Variants in PRKAG1 observed in about 807,000 individuals in gnomAD.
PRKAG1 encodes 5'-AMP-activated protein kinase subunit gamma-1.
A neutral mutation model predicts 48.2 loss-of-function variants in PRKAG1; 27 were observed. The observed-to-expected ratio is 0.56, with a 90% CI of 0.41 to 0.77. The LOEUF is 0.77. Ranked by LOEUF, PRKAG1 falls within the 30% of genes least tolerant of loss-of-function variation. The pLI is 0.00. For missense variants in PRKAG1, 287 were observed against 398.3 expected (o/e 0.72, Z 2.38); for synonymous variants, 130 against 147.7 (o/e 0.88, Z 0.87).
chr12:49,017,363 CG>C, intron 1 of PRKAG1: 4 of 356,436 alleles, frequency 1.1e-5, no homozygotes, highest in Middle Eastern at 8.9e-4. Flanking sequence ...ACCACCACCA[CG>C]CCTGGGTAAT....
rs542478353 is a variant in PRKAG1 at position 49,002,852 on chromosome 12, A to T, written c.*47T>A. 28 of 1,527,312 alleles carry T rather than the reference A, an allele frequency of 1.8e-5. No homozygotes were observed. The Middle Eastern group carries it at 1.0e-3, about 56-fold the overall frequency. The allele number at this position is 1,527,312 out of a possible 1,614,324, so 94.6% of individuals were successfully genotyped here. On this transcript the variant is annotated 3_prime_UTR_variant, in exon 12 of 12. Coordinates refer to ENST00000548065, the MANE Select transcript of PRKAG1 (RefSeq NM_002733.5). Reference sequence around the variant, plus strand: ...GATTCCCACAGAGCTTCCAGCAGGCAGTGAGTTGGGCATATCCCCTGGTGC... The same window carrying T: ...GATTCCCACAGAGCTTCCAGCAGGCTGTGAGTTGGGCATATCCCCTGGTGC...
In PRKAG1 at chr12:49,002,934, C is replaced by T. The variant is rs963786337; in HGVS notation, c.961G>A (p.Ala321Thr). The T allele has an allele frequency of 3.1e-6, 5 of 1,614,216 alleles. No individual in the cohort carries two copies. Among genetic ancestry groups the T allele is most frequent in the Non-Finnish European group, 4.2e-6 (5 of 1,180,030 alleles). The change falls in exon 12 of 12, where the codon GCC becomes ACC. Residue 321 changes from alanine (A) to threonine (T), a missense_variant. Transcript: ENST00000548065. ...TTCTCTCCACCTGTGAGCACCAGGG[C>T]CTGCAGGATGTCAGACAGTGATACA... is the stretch of plus-strand genomic sequence containing the variant. Reference protein sequence around the residue: ...GIVSLSDILQALVLTGGEKKP With the variant: ...GIVSLSDILQTLVLTGGEKKP
intron 2 of PRKAG1, among the ~76,000 whole-genome samples, chr12:49,007,923 G>A (rs1327126409): frequency 6.7e-6 from 1 of 148,996 alleles, no homozygotes; most frequent in African/African-American, 2.5e-5. Flanking sequence ...GCAGTGGCAC[G>A]ATCTCAGGTT....
At chr12:49,007,638 G>A (rs1941597060) in intron 2 of PRKAG1, among the ~76,000 whole-genome samples, 1 of 151,934 alleles carries the variant, frequency 6.6e-6, no homozygotes, top group Non-Finnish European at 1.5e-5. Flanking sequence ...TACCTTAGTT[G>A]ATTATTTTGG....
intron 7 of PRKAG1, 45 bp downstream of exon 7, chr12:49,004,919 C>A: frequency 6.3e-7 from 1 of 1,598,210 alleles, no homozygotes; most frequent in South Asian, 1.1e-5. Context: ...AGGCTGATGA[C>A]AAAATCTCTT....
chr12:49,017,784 G>T (rs932071138), intron 1 of PRKAG1: 2 of 152,368 alleles, frequency 1.3e-5, no homozygotes, highest in Non-Finnish European at 2.9e-5. Context: ...TTGAAAACCT[G>T]AAAGAAACAA....
intron 10 of PRKAG1, 113 bp downstream of exon 10, chr12:49,003,444 TG>T: frequency 6.5e-7 from 1 of 1,536,648 alleles, no homozygotes. Flanking sequence ...TTTGAAAGCC[TG>T]GAAGCTTCTA....
intron 1 of PRKAG1, among the ~76,000 whole-genome samples, chr12:49,015,751 T>C (rs570117538): frequency 4.5e-4 from 68 of 152,214 alleles, no homozygotes; most frequent in African/African-American, 1.6e-3. Context: ...TTTTTTTTTG[T>C]ATTTTTAGTA....
intron 1 of PRKAG1, chr12:49,018,472 C>G (rs1359358281): frequency 7.4e-7 from 1 of 1,357,824 alleles, no homozygotes; most frequent in Non-Finnish European, 9.5e-7. Flanking sequence ...TACGTGGGCC[C>G]CAAGGAGGGA....
chr12:49,005,932 CTAG>C lies in PRKAG1; in HGVS notation c.59-83_59-81del. The C allele has an allele frequency of 1.0e-6, 1 of 1,002,342 alleles. No individual in the cohort carries two copies. The highest frequency in any genetic ancestry group is 2.2e-4 in the Middle Eastern group (1 of 4,450). 62.1% of individuals were successfully genotyped at this position (1,002,342 alleles called of 1,614,324 possible). A position where few individuals can be genotyped will look rare whatever the true frequency, so the allele number is the denominator to read the frequency against. On this transcript the variant is annotated intron_variant, in intron 2 of 11. Transcript: ENST00000548065. This position sits in a 1 kb window ranked among gnomAD's most constrained non-coding sequence, Gnocchi z 4.1. ...AAGAGACAGAAAACAAAATAGTGTTCTAGTATCTCAAATATTTAGAGCATTATT... is the reference window on the plus strand; with the variant it reads ...AAGAGACAGAAAACAAAATAGTGTTCTATCTCAAATATTTAGAGCATTATT...
In PRKAG1 at chr12:49,013,095, T is replaced by C; in HGVS notation, c.25A>G (p.Ser9Gly). The change falls in exon 2 of 12, where the codon AGC becomes GGC. Residue 9 changes from serine (S) to glycine (G), a missense_variant. This residue lies in a region of PRKAG1 where 63 missense variants were observed against 54.0 expected (regional missense o/e 1.17). Transcript: ENST00000548065. ...TGCTCATTTTCCACAGCTGGGGAGC[T>C]ATCTGAAGAAATGACCTGGAGAGAT... METVISSD[S>G]SPAVENEHPQ... The C allele has an allele frequency of 6.2e-7, 1 of 1,613,852 alleles. No homozygotes were observed. Among genetic ancestry groups the C allele is most frequent in the Non-Finnish European group, 8.5e-7 (1 of 1,179,722 alleles).
Position 49,005,385 on chromosome 12 carries a change from C to T in PRKAG1, c.251-21G>A, listed in dbSNP as rs1439550271. ...CATGCCTAGAGGACAAGACAGAGCC[C>T]TCAGCACTGCCTGAAGCTTGTCTCC... On this transcript the variant is annotated intron_variant, in intron 4 of 11. Coordinates refer to ENST00000548065, the MANE Select transcript of PRKAG1 (RefSeq NM_002733.5). This position sits in a 1 kb window ranked among gnomAD's most constrained non-coding sequence, Gnocchi z 4.1. 2 of 1,614,060 alleles carry T rather than the reference C, an allele frequency of 1.2e-6. No individual in the cohort carries two copies. Among genetic ancestry groups the T allele is most frequent in the Admixed American group, 3.3e-5 (2 of 60,006 alleles).
intron 7 of PRKAG1, 52 bp from the exon 8 acceptor site, chr12:49,004,685 T>C (rs1565732703): frequency 1.2e-6 from 2 of 1,611,916 alleles, no homozygotes; most frequent in Non-Finnish European, 1.7e-6. Context: ...CTGGGGGTGA[T>C]TAAACAGGTC....
At position 49,002,443 on chromosome 12, in the gene PRKAG1, A is replaced by T. The variant is rs1941327540; in HGVS notation, c.*456T>A. The T allele has an allele frequency of 4.1e-6, 1 of 244,138 alleles. No individual in the cohort carries two copies. The highest frequency in any genetic ancestry group is 5.1e-5 in the Admixed American group (1 of 19,648). 15.1% of individuals were successfully genotyped at this position (244,138 alleles called of 1,614,324 possible). ...CCTCCCCACTCACATTATGGGAAGA[A>T]ATGTCACTAAATGGACTTGGCCTCC... On this transcript the variant is annotated 3_prime_UTR_variant, in exon 12 of 12. Transcript: ENST00000548065.
chr12:49,018,539 A>G, intron 1 of PRKAG1, 193 bp downstream of exon 1: 1 of 1,440,706 alleles, frequency 6.9e-7, no homozygotes. Context: ...GGCGGCGGGG[A>G]CGCGGCCCAG....
intron 1 of PRKAG1, chr12:49,017,010 C>T: frequency 4.9e-6 from 2 of 407,776 alleles, no homozygotes; most frequent in South Asian, 1.8e-5. Context: ...CCCTTGCTCA[C>T]ACTGTTCTCT....
At chr12:49,013,035 CCA>C in intron 2 of PRKAG1, 25 bp downstream of exon 2, 1 of 1,592,574 alleles carries the variant, frequency 6.3e-7, no homozygotes, top group Non-Finnish European at 8.6e-7. Flanking sequence ...GTTTTCATGC[CCA>C]GTTTCCTTTC....
intron 2 of PRKAG1, among the ~76,000 whole-genome samples, chr12:49,007,797 T>C (rs1476391696): frequency 1.3e-5 from 2 of 152,088 alleles, no homozygotes; most frequent in African/African-American, 2.4e-5. Flanking sequence ...AAACACGTAC[T>C]TCCCATTCTC....
In PRKAG1 at chr12:49,005,586, G is replaced by T; in HGVS notation, c.169-43C>A. The stretch of plus-strand genomic sequence containing the variant: ...ATAATCATAAAGGCAAATCCACAGG[G>T]GCAGGACTGTAAAAAAAGAACAGTG... On this transcript the variant is annotated intron_variant, in intron 3 of 11. Coordinates refer to ENST00000548065, the MANE Select transcript of PRKAG1 (RefSeq NM_002733.5). This position sits in a 1 kb window ranked among gnomAD's most constrained non-coding sequence, Gnocchi z 4.1. 1 of 1,613,864 alleles carries T rather than the reference G, an allele frequency of 6.2e-7. No homozygotes were observed.
Sources: gnomAD v4.1 joint callset for allele counts (sites outside exome capture counted in the v4.1 genomes callset) on GRCh38, gnomAD v4.1.1 for gene constraint, gnomAD v4.1.1 regional missense constraint, Gnocchi (gnomAD v3.1) non-coding constraint, MANE v1.5 for transcripts, NCBI Gene and HGNC (gene_info 2026-07-23, HGNC 2026-07-21) for gene names.